The following ABCB1 variants were observed in gnomAD, a reference collection of about 807,000 sequenced individuals.
ABCB1 encodes ATP-dependent translocase ABCB1.
A neutral mutation model predicts 142.0 loss-of-function variants in ABCB1; 69 were observed. That is an observed-to-expected ratio of 0.49 (90% CI 0.40 to 0.59). The LOEUF is 0.59. ABCB1 is among the 20% of genes least tolerant of loss of function. The pLI is 0.00. For missense variants in ABCB1, 1,326 were observed against 1,554.7 expected (o/e 0.85, Z 2.47); for synonymous variants, 532 against 539.2 (o/e 0.99, Z 0.18).
intron 1 of ABCB1, among the ~76,000 whole-genome samples, chr7:87,642,420 C>A (rs899048033): frequency 6.6e-6 from 1 of 151,910 alleles, no homozygotes; most frequent in South Asian, 2.1e-4. Context: ...TGAATATTTT[C>A]ATTTGTTCTT....
chr7:87,664,555 A>G (rs1429009244), intron 1 of ABCB1, among the ~76,000 whole-genome samples: 3 of 152,140 alleles, frequency 2.0e-5, no homozygotes, highest in African/African-American at 7.2e-5. Flanking sequence ...AATTCTGAGT[A>G]GAGAAATAAA....
At chr7:87,565,527 C>T in intron 7 of ABCB1, 1 of 430,286 alleles carries the variant, frequency 2.3e-6, no homozygotes, top group South Asian at 1.7e-5. Flanking sequence ...TAGAAAGTAT[C>T]TGTTTTCTTA....
Position 87,549,374 on chromosome 7 carries a change from C to T in ABCB1, c.1699G>A (p.Ala567Thr), listed in dbSNP as rs1355931317. The change falls in exon 14 of 28, where the codon GCA becomes ACA. Residue 567 changes from alanine (A) to threonine (T), a missense_variant. Transcript: ENST00000622132. ...TTATCCAGAGCCACCTGAACCACTG[C>T]TTCGCTTTCTGTGTCCAAGGCTGAC... ...ATSALDTESE[A>T]VVQVALDKAR... 3.1e-6 allele frequency: 5 copies of T among 1,614,096 alleles called. No homozygotes were observed. The Admixed American group carries it at 5.0e-5, about 16-fold the overall frequency.
At chr7:87,570,680 C>T (rs1438927642) in intron 4 of ABCB1, among the ~76,000 whole-genome samples, 1 of 152,142 alleles carries the variant, frequency 6.6e-6, no homozygotes, top group Admixed American at 6.5e-5. Flanking sequence ...CACCAGTGAG[C>T]TCATCACCCA....
chr7:87,632,705 T>C (rs1821347567), intron 1 of ABCB1, among the ~76,000 whole-genome samples: 1 of 152,224 alleles, frequency 6.6e-6, no homozygotes, highest in African/African-American at 2.4e-5. Flanking sequence ...AGTCATTTTT[T>C]CTGTCCTTTA....
intron 27 of ABCB1, 150 bp downstream of exon 27, chr7:87,505,747 A>G: frequency 1.1e-6 from 1 of 952,172 alleles, no homozygotes; most frequent in Middle Eastern, 2.7e-4. Context: ...ACTCTCCTGA[A>G]TAACAGCTAC....
intron 1 of ABCB1, among the ~76,000 whole-genome samples, chr7:87,684,746 C>CAAAAAAAAAAAAAAA (rs71524694): frequency 5.6e-4 from 21 of 37,786 alleles, no homozygotes; most frequent in South Asian, 1.1e-3. Context: ...GACTCCGTCT[C>CAAAAAAAAAAAAAAA]AAAAAAAAAA....
In ABCB1 at chr7:87,561,358, G is replaced by A; in HGVS notation, c.732C>T (p.Leu244=). 6.2e-7 allele frequency: 1 copy of A among 1,613,634 alleles called. No individual in the cohort carries two copies. The highest frequency in any genetic ancestry group is 8.5e-7 in the Non-Finnish European group (1 of 1,179,690). The change falls in exon 8 of 28, where the codon CTC becomes CTT. Residue 244 remains leucine, a synonymous_variant. Coordinates refer to ENST00000622132, the MANE Select transcript of ABCB1 (RefSeq NM_001348946.2). ...CTGCTCCAGCTTTTGCATACGCTAA[G>A]AGTTCTTTATCAGTAAATGAAGATA... The part of the protein sequence containing the change: ...KILSSFTDKE[L]LAYAKAGAVA...
intron 4 of ABCB1, among the ~76,000 whole-genome samples, chr7:87,581,682 T>C (rs1818514442): frequency 6.6e-6 from 1 of 152,196 alleles, no homozygotes; most frequent in Non-Finnish European, 1.5e-5. Context: ...AGGGTTCTAT[T>C]GCAGCAACAG....
intron 3 of ABCB1, among the ~76,000 whole-genome samples, chr7:87,593,977 A>G (rs937245840): frequency 6.6e-6 from 1 of 152,182 alleles, no homozygotes. Flanking sequence ...CTTCTTGGAA[A>G]CCCTGAACAC....
intron 4 of ABCB1, among the ~76,000 whole-genome samples, chr7:87,578,527 A>G (rs1223334414): frequency 6.6e-6 from 1 of 152,120 alleles, no homozygotes; most frequent in Non-Finnish European, 1.5e-5. Flanking sequence ...AAAAATATCC[A>G]TTCTTCCAAT....
chr7:87,695,783 C>G (rs1828445497), intron 1 of ABCB1, among the ~76,000 whole-genome samples: 1 of 152,034 alleles, frequency 6.6e-6, no homozygotes, highest in African/African-American at 2.4e-5. Flanking sequence ...AAATTAATTT[C>G]TGTTCTTAGA....
In ABCB1 at chr7:87,544,843, G is replaced by A. The variant is rs1323794979; in HGVS notation, c.2044C>T (p.Leu682Phe). Reference sequence around the variant, plus strand: ...CATACCAGAGCCTCTTTGGTACTAAGCTTTCTGTCTTGGGCTTGTGATCCA... The same window carrying A: ...CATACCAGAGCCTCTTTGGTACTAAACTTTCTGTCTTGGGCTTGTGATCCA... ...VRGSQAQDRK[L>F]STKEALDESI... The change falls in exon 16 of 28, where the codon CTT (leucine) becomes TTT (phenylalanine). Residue 682 changes from leucine to phenylalanine, a missense_variant. Transcript: ENST00000622132. 4 of 1,614,014 alleles carry A rather than the reference G, an allele frequency of 2.5e-6. No individual in the cohort carries two copies. In the East Asian group the frequency reaches 6.7e-5, roughly 27 times the overall value.
rs148571002 is a variant in ABCB1, at chr7:87,632,788, A to G, written c.-330-31710T>C. Among the ~76,000 whole-genome samples the G allele has an allele frequency of 3.8e-3, 575 of 152,314 alleles. 3 individuals are homozygous for G. The highest frequency in any genetic ancestry group is 0.013 in the African/African-American group (554 of 41,572). ...TTTTGGTGGCAGAGTATTAAAATCTAAATTCTCTTTCTATGGCTTAACAAT... is the reference window on the plus strand; with the variant it reads ...TTTTGGTGGCAGAGTATTAAAATCTGAATTCTCTTTCTATGGCTTAACAAT... On this transcript the variant is annotated intron_variant, in intron 1 of 28. Coordinates refer to the ABCB1 transcript ENST00000265724.
rs377162975 is a variant in ABCB1 at position 87,618,620 on chromosome 7, C to T, written c.-330-17542G>A. Among the ~76,000 whole-genome samples, 6 of 152,262 alleles carry T rather than the reference C, an allele frequency of 3.9e-5. No homozygotes were observed. The East Asian group carries it at 1.2e-3, about 29-fold the overall frequency. ...GTGGTTCACAGATTTCTAAAATGGT[C>T]CTTATGATCTTGGCTCCCTGGTATT... On this transcript the variant is annotated intron_variant, in intron 1 of 28. Transcript: ENST00000265724.
chr7:87,595,538 T>A (rs1309566933), intron 3 of ABCB1, among the ~76,000 whole-genome samples: 1 of 152,090 alleles, frequency 6.6e-6, no homozygotes, highest in Non-Finnish European at 1.5e-5. Context: ...CATAATTCAT[T>A]AGAAGAATTG....
At chr7:87,598,251 A>T (rs1819292048) in intron 2 of ABCB1, among the ~76,000 whole-genome samples, 1 of 152,178 alleles carries the variant, frequency 6.6e-6, no homozygotes, top group African/African-American at 2.4e-5. Context: ...GCTACTAGAA[A>T]ATTTTAAATT....
intron 1 of ABCB1, among the ~76,000 whole-genome samples, chr7:87,689,431 T>C (rs947858955): frequency 2.0e-5 from 3 of 152,176 alleles, no homozygotes; most frequent in African/African-American, 7.2e-5. Flanking sequence ...TTATTTTTAA[T>C]CTTGGAAAAT....
intron 1 of ABCB1, among the ~76,000 whole-genome samples, chr7:87,626,198 A>G (rs201197690): frequency 0.034 from 433 of 12,784 alleles, 2 homozygotes; most frequent in South Asian, 0.11. Context: ...TGTCATATAT[A>G]TGTCATATAT....
Sources: allele counts gnomAD v4.1 joint callset (sites outside exome capture counted in the v4.1 genomes callset), GRCh38; gene constraint gnomAD v4.1.1; transcripts MANE v1.5; gene names NCBI Gene and HGNC (gene_info 2026-07-23, HGNC 2026-07-21).